KCNAB1: variants seen among roughly 807,000 people sequenced by gnomAD.
KCNAB1 encodes the protein voltage-gated potassium channel subunit beta-1.
A neutral mutation model predicts 64.6 loss-of-function variants in KCNAB1; 35 were observed. The ratio of observed to expected loss-of-function variants is 0.54; its 90% confidence interval spans 0.41 to 0.72. KCNAB1 has a LOEUF of 0.72. Ranked by LOEUF, KCNAB1 falls within the 30% of genes least tolerant of loss-of-function variation. The pLI is 0.00. For synonymous variants in KCNAB1, 177 were observed against 183.8 expected, an observed-to-expected ratio of 0.96 and a Z score of 0.30; for missense variants, 401 against 512.9, an observed-to-expected ratio of 0.78 and a Z score of 2.11.
chr3:156,472,323 GCCTT>G (rs1425841834), intron 7 of KCNAB1, among the ~76,000 whole-genome samples: 8 of 152,184 alleles, frequency 5.3e-5, no homozygotes, highest in African/African-American at 1.9e-4. Flanking sequence ...GGCTGTGCCT[GCCTT>G]CACTCTTGTG....
chr3:156,402,425 T>C (rs1439323954), intron 1 of KCNAB1, among the ~76,000 whole-genome samples: 1 of 152,218 alleles, frequency 6.6e-6, no homozygotes, highest in Non-Finnish European at 1.5e-5. Flanking sequence ...GAAAATGTCT[T>C]AGGGAATTTT....
chr3:156,178,206 C>A (rs1267331439), intron 1 of KCNAB1, among the ~76,000 whole-genome samples: 2 of 152,124 alleles, frequency 1.3e-5, no homozygotes, highest in Non-Finnish European at 2.9e-5. Flanking sequence ...TGCTTTCTTG[C>A]CTGTAAAAGG....
chr3:156,333,798 T>C (rs1459682542), intron 1 of KCNAB1, among the ~76,000 whole-genome samples: 2 of 152,230 alleles, frequency 1.3e-5, no homozygotes, highest in Non-Finnish European at 2.9e-5. Context: ...TGATATTTGC[T>C]AACATGACAG....
At chr3:156,156,589 G>A (rs1370724088) in intron 1 of KCNAB1, among the ~76,000 whole-genome samples, 2 of 152,260 alleles carry the variant, frequency 1.3e-5, no homozygotes, top group South Asian at 2.1e-4. Context: ...GATATGATAT[G>A]CAATAAAGGG....
At chr3:156,338,755 G>C (rs1435191413) in intron 1 of KCNAB1, among the ~76,000 whole-genome samples, 2 of 152,082 alleles carry the variant, frequency 1.3e-5, no homozygotes, top group Non-Finnish European at 2.9e-5. Flanking sequence ...TCTGCTTTCG[G>C]GAGTGCCAGC....
chr3:156,277,384 G>A (rs149340296), intron 1 of KCNAB1, among the ~76,000 whole-genome samples: 49 of 152,204 alleles, frequency 3.2e-4, no homozygotes, highest in Non-Finnish European at 5.6e-4. Context: ...TTGGAAAAAT[G>A]GCACCAGTTG....
At chr3:156,503,585 T>C (rs1716610751) in intron 8 of KCNAB1, among the ~76,000 whole-genome samples, 1 of 152,200 alleles carries the variant, frequency 6.6e-6, no homozygotes, top group Admixed American at 6.5e-5. Context: ...GGTCAAGCTC[T>C]CAATTCAGGG....
At chr3:156,534,602 A>C (rs1559935459) in intron 13 of KCNAB1, among the ~76,000 whole-genome samples, 2 of 152,192 alleles carry the variant, frequency 1.3e-5, no homozygotes, top group South Asian at 4.1e-4. Flanking sequence ...TTCGGCGATA[A>C]CAGTGGCCCT....
chr3:156,388,505 C>G (rs1213872606), intron 1 of KCNAB1, among the ~76,000 whole-genome samples: 1 of 152,222 alleles, frequency 6.6e-6, no homozygotes, highest in Non-Finnish European at 1.5e-5. Context: ...ACTCTGTGAC[C>G]TTGAGCTGAT....
intron 1 of KCNAB1, among the ~76,000 whole-genome samples, chr3:156,231,280 A>C (rs1230104579): frequency 6.6e-6 from 1 of 152,142 alleles, no homozygotes; most frequent in Non-Finnish European, 1.5e-5. Flanking sequence ...ATGTCCTACA[A>C]ACCATAAATT....
intron 1 of KCNAB1, among the ~76,000 whole-genome samples, chr3:156,327,077 C>T (rs984425483): frequency 1.3e-5 from 2 of 152,058 alleles, no homozygotes; most frequent in African/African-American, 4.8e-5. Flanking sequence ...CCAAATTAAA[C>T]ATATTTTAAA....
chr3:156,530,748 GT>G (rs1718646612), intron 12 of KCNAB1, among the ~76,000 whole-genome samples: 1 of 152,156 alleles, frequency 6.6e-6, no homozygotes, highest in Non-Finnish European at 1.5e-5. Context: ...AGAAAGGGAG[GT>G]CCAGAGAGGG....
intron 2 of KCNAB1, among the ~76,000 whole-genome samples, chr3:156,427,445 T>C (rs1238837857): frequency 6.6e-6 from 1 of 152,218 alleles, no homozygotes; most frequent in Non-Finnish European, 1.5e-5. Context: ...GTATGCTCCC[T>C]GAGAGCAGGG....
At chr3:156,410,793 A>G (rs1478474201) in intron 1 of KCNAB1, among the ~76,000 whole-genome samples, 1 of 152,154 alleles carries the variant, frequency 6.6e-6, no homozygotes, top group African/African-American at 2.4e-5. Flanking sequence ...TTTATTGCCG[A>G]GTAGTATTCC....
At position 156,289,998 on chromosome 3, in the gene KCNAB1, C is replaced by T. The variant is rs547188357; in HGVS notation, c.276-131618C>T. Among the ~76,000 whole-genome samples, 5 of 152,238 alleles carry T rather than the reference C, an allele frequency of 3.3e-5. No individual in the cohort carries two copies. In the East Asian group the frequency reaches 9.6e-4, roughly 29 times the overall value. On this transcript the variant is annotated intron_variant, in intron 1 of 13. Transcript: ENST00000490337. ...CAAAGTCCCACTCTTCTAGGAGGGTCGCCTGGGCACCCATGAGCTTCTTGA... is the reference window on the plus strand; with the variant it reads ...CAAAGTCCCACTCTTCTAGGAGGGTTGCCTGGGCACCCATGAGCTTCTTGA...
intron 1 of KCNAB1, among the ~76,000 whole-genome samples, chr3:156,393,001 A>G (rs1240593508): frequency 2.6e-5 from 4 of 151,994 alleles, no homozygotes; most frequent in African/African-American, 4.8e-5. Context: ...CTGTTTTTCT[A>G]TTTTCTGGGA....
At chr3:156,255,347 A>G (rs943817109) in intron 1 of KCNAB1, among the ~76,000 whole-genome samples, 4 of 152,228 alleles carry the variant, frequency 2.6e-5, no homozygotes, top group African/African-American at 9.6e-5. Context: ...TCATGGAAGC[A>G]AATTGGGCAC....
intron 1 of KCNAB1, among the ~76,000 whole-genome samples, chr3:156,398,827 C>T (rs1050514420): frequency 1.3e-5 from 2 of 152,010 alleles, no homozygotes; most frequent in Non-Finnish European, 2.9e-5. Flanking sequence ...TCTTCCCACA[C>T]CATAGTGGGT....
chr3:156,173,220 C>G (rs1005355726), intron 1 of KCNAB1, among the ~76,000 whole-genome samples: 2 of 152,150 alleles, frequency 1.3e-5, no homozygotes, highest in Non-Finnish European at 1.5e-5. Context: ...ATTGACTCAG[C>G]ACTTTTCTTC....
Sources: gnomAD v4.1 joint callset for allele counts (sites outside exome capture counted in the v4.1 genomes callset) on GRCh38, gnomAD v4.1.1 for gene constraint, MANE v1.5 for transcripts, NCBI Gene and HGNC (gene_info 2026-07-23, HGNC 2026-07-21) for gene names.